MCL1: variants seen among roughly 807,000 people sequenced by gnomAD.
The protein encoded by MCL1 is MCL1 apoptosis regulator, BCL2 family member.
A neutral mutation model predicts 24.2 loss-of-function variants in MCL1; 4 were observed. That is an observed-to-expected ratio of 0.17 (90% CI 0.08 to 0.38). The LOEUF is 0.38. Ranked by LOEUF, MCL1 falls within the 10% of genes least tolerant of loss-of-function variation. The pLI is 1.00. For synonymous variants in MCL1, 248 were observed against 214.0 expected, an observed-to-expected ratio of 1.16 and a Z score of -1.39; for missense variants, 529 against 480.3, an observed-to-expected ratio of 1.10 and a Z score of -0.95.
At position 150,576,712 on chromosome 1, in the gene MCL1, TAAG is replaced by T. The variant is rs911432702; in HGVS notation, c.*660_*662del. The T allele has an allele frequency of 4.7e-5, 11 of 232,474 alleles. 1 individual carries two copies. In the Admixed American group the frequency reaches 5.1e-4, roughly 11 times the overall value. The allele number at this position is 232,474 out of a possible 1,614,324, so 14.4% of individuals were successfully genotyped here. A position where few individuals can be genotyped will look rare whatever the true frequency, so the allele number is the denominator to read the frequency against. The stretch of plus-strand genomic sequence containing the variant: ...TTACAAATACATTTACAAGCTGTCT[TAAG>T]AATTGAGGATATCCATATTCATAAC... On this transcript the variant is annotated 3_prime_UTR_variant, in exon 3 of 3. Coordinates refer to ENST00000369026, the MANE Select transcript of MCL1 (RefSeq NM_021960.5).
rs908417280 is a variant in MCL1, at chr1:150,578,467, T to C, written c.713A>G (p.Lys238Arg). 12 of 1,614,108 alleles carry C rather than the reference T, an allele frequency of 7.4e-6. No individual in the cohort carries two copies. Among genetic ancestry groups the C allele is most frequent in the Non-Finnish European group, 1.0e-5 (12 of 1,180,048 alleles). Residue 238 changes from lysine (K) to arginine (R), a missense_variant, in exon 2 of 3, where the codon AAA becomes AGA. Coordinates refer to ENST00000369026, the MANE Select transcript of MCL1 (RefSeq NM_021960.5). ...CAACGATTTCACATCGTCTTCGTTTTTGATGTCCAGTTTCCGAAGCATGCC... is the reference window on the plus strand; with the variant it reads ...CAACGATTTCACATCGTCTTCGTTTCTGATGTCCAGTTTCCGAAGCATGCC... ...FQGMLRKLDI[K>R]NEDDVKSLSR...
chr1:150,575,410 G>A lies in MCL1; in HGVS notation c.*1965C>T, dbSNP rs1281064151. The A allele has an allele frequency of 2.1e-5, 5 of 232,694 alleles. No individual in the cohort carries two copies. The highest frequency in any genetic ancestry group is 4.3e-5 in the Non-Finnish European group (5 of 117,612). The allele number at this position is 232,694 out of a possible 1,614,324, so 14.4% of individuals were successfully genotyped here. A position where few individuals can be genotyped will look rare whatever the true frequency, so the allele number is the denominator to read the frequency against. On this transcript the variant is annotated 3_prime_UTR_variant, in exon 3 of 3. Coordinates refer to ENST00000369026, the MANE Select transcript of MCL1 (RefSeq NM_021960.5). ...AGACACTTTCTTCAGTTTATCAGTA[G>A]CTTTTAAACTCTGAGGTTTAACACA...
rs759811500 is a variant in MCL1, at chr1:150,578,899, T to C, written c.632A>G (p.Glu211Gly). 1 of 1,613,856 alleles carries C rather than the reference T, an allele frequency of 6.2e-7. No homozygotes were observed. Among genetic ancestry groups the C allele is most frequent in the African/African-American group, 1.3e-5 (1 of 75,060 alleles). Residue 211 changes from glutamate (E) to glycine (G), a missense_variant, in exon 1 of 3, where the codon GAG becomes GGG. Coordinates refer to ENST00000369026, the MANE Select transcript of MCL1 (RefSeq NM_021960.5). ...RSGATSRKAL[E>G]TLRRVGDGVQ... ...GCCATCCCCAACCCGTCGTAAGGTC[T>C]CCAGCGCCTTCCTGCTGGTGGCCCC...
At chr1:150,577,627 C>T (rs1647866573) in intron 2 of MCL1, 136 bp from the exon 3 acceptor site, 3 of 940,730 alleles carry the variant, frequency 3.2e-6, no homozygotes, top group Non-Finnish European at 4.6e-6. Flanking sequence ...ATTATTCACC[C>T]CGGGGCAAAA....
Position 150,578,847 on chromosome 1 carries a change from G to A in MCL1, c.684C>T (p.Phe228=). 6.2e-7 allele frequency: 1 copy of A among 1,611,124 alleles called. No homozygotes were observed. Among genetic ancestry groups the A allele is most frequent in the Non-Finnish European group, 8.5e-7 (1 of 1,177,882 alleles). The part of the protein sequence containing the change: ...DGVQRNHETA[F]QGMLRKLDIK... Reference sequence around the variant, plus strand: ...GCGATTAATGAACCCCCTTACCTTGGAAGGCCGTCTCGTGGTTGCGCTGCA... The same window carrying A: ...GCGATTAATGAACCCCCTTACCTTGAAAGGCCGTCTCGTGGTTGCGCTGCA... Residue 228 remains phenylalanine (F), a synonymous_variant, in exon 1 of 3, where the codon TTC becomes TTT. Transcript: ENST00000369026.
chr1:150,578,782 T>G (rs1570982509), intron 1 of MCL1, 61 bp downstream of exon 1: 3 of 1,534,304 alleles, frequency 2.0e-6, no homozygotes, highest in Non-Finnish European at 2.6e-6. Flanking sequence ...CCTTGGCGGG[T>G]GAGTCCGGGG....
Position 150,578,486 on chromosome 1 carries a change from G to T in MCL1, c.694C>A (p.Leu232Ile), listed in dbSNP as rs1014045427. 171 of 1,613,982 alleles carry T rather than the reference G, an allele frequency of 1.1e-4. No individual in the cohort carries two copies. The highest frequency in any genetic ancestry group is 1.4e-4 in the Non-Finnish European group (170 of 1,180,000). Residue 232 changes from leucine to isoleucine, a missense_variant, in exon 2 of 3, where the codon CTT (leucine) becomes ATT (isoleucine). Leu to Ile is a conservative substitution (Grantham distance 5, BLOSUM62 2). Transcript: ENST00000369026. ...TCGTTTTTGATGTCCAGTTTCCGAA[G>T]CATGCCTGAGAAAGAAAAGCATGCA... ...RNHETAFQGM[L>I]RKLDIKNEDD...
Position 150,577,092 on chromosome 1 carries a change from C to A in MCL1, c.*283G>T. The A allele has an allele frequency of 3.0e-6, 1 of 330,820 alleles. No individual in the cohort carries two copies. The highest frequency in any genetic ancestry group is 5.7e-6 in the Non-Finnish European group (1 of 176,234). The allele number at this position is 330,820 out of a possible 1,614,324, so 20.5% of individuals were successfully genotyped here. A position where few individuals can be genotyped will look rare whatever the true frequency, so the allele number is the denominator to read the frequency against. On this transcript the variant is annotated 3_prime_UTR_variant, in exon 3 of 3. Transcript: ENST00000369026. ...AGGAAATTAAGTCTTTCCACCCTAC[C>A]ATCTTCACTAAATCTAAAAGTCCTC...
At position 150,575,491 on chromosome 1, in the gene MCL1, G is replaced by A. The variant is rs930510353; in HGVS notation, c.*1884C>T. On this transcript the variant is annotated 3_prime_UTR_variant, in exon 3 of 3. Transcript: ENST00000369026. ...ATACTCCTATACAAAGGAAACTTTAGAGAAAGCCTCATAAAATGTTCTTTC... is the reference window on the plus strand; with the variant it reads ...ATACTCCTATACAAAGGAAACTTTAAAGAAAGCCTCATAAAATGTTCTTTC... 24 of 232,900 alleles carry A rather than the reference G, an allele frequency of 1.0e-4. No homozygotes were observed. The East Asian group carries it at 1.4e-3, about 13-fold the overall frequency. 14.4% of individuals were successfully genotyped at this position (232,900 alleles called of 1,614,324 possible).
At position 150,576,637 on chromosome 1, in the gene MCL1, ACTTC is replaced by A. The variant is rs1176026338; in HGVS notation, c.*734_*737del. 5 of 232,332 alleles carry A rather than the reference ACTTC, an allele frequency of 2.2e-5. No individual in the cohort carries two copies. Among genetic ancestry groups the A allele is most frequent in the African/African-American group, 1.1e-4 (5 of 45,300 alleles). 14.4% of individuals were successfully genotyped at this position (232,332 alleles called of 1,614,324 possible). A position where few individuals can be genotyped will look rare whatever the true frequency, so the allele number is the denominator to read the frequency against. On this transcript the variant is annotated 3_prime_UTR_variant, in exon 3 of 3. Coordinates refer to ENST00000369026, the MANE Select transcript of MCL1 (RefSeq NM_021960.5). ...TGAAAAAAACTAATGTAAATTCGATACTTCCTTCGTTTCAAAGAAATAGACTTTC... is the reference window on the plus strand; with the variant it reads ...TGAAAAAAACTAATGTAAATTCGATACTTCGTTTCAAAGAAATAGACTTTC...
In MCL1 at chr1:150,578,555, T is replaced by A. The variant is rs751306819; in HGVS notation, c.689-64A>T. On this transcript the variant is annotated intron_variant, in intron 1 of 2. Transcript: ENST00000369026. ...TGTCTAAACCGGCGCAAGATTCGCC[T>A]GCCCACCCGCGGCGGGAAAATCGCT... is the stretch of plus-strand genomic sequence containing the variant. 3 of 1,584,488 alleles carry A rather than the reference T, an allele frequency of 1.9e-6. No individual in the cohort carries two copies. In the East Asian group the frequency reaches 6.7e-5, roughly 35 times the overall value.
In MCL1 at chr1:150,574,609, AAC is replaced by A. The variant is rs1282960907; in HGVS notation, c.*2764_*2765del. 1 of 232,230 alleles carries A rather than the reference AAC, an allele frequency of 4.3e-6. No individual in the cohort carries two copies. Among genetic ancestry groups the A allele is most frequent in the Non-Finnish European group, 8.5e-6 (1 of 117,234 alleles). The allele number at this position is 232,230 out of a possible 1,614,324, so 14.4% of individuals were successfully genotyped here. ...CTCAGGAAAAACAGAAAGTTAGGGA[AAC>A]ACACTACATTTGACAACCAACATTA... On this transcript the variant is annotated 3_prime_UTR_variant, in exon 3 of 3. Coordinates refer to ENST00000369026, the MANE Select transcript of MCL1 (RefSeq NM_021960.5).
At position 150,578,991 on chromosome 1, in the gene MCL1, C is replaced by A. The variant is rs1383859763; in HGVS notation, c.540G>T (p.Glu180Asp). The change falls in exon 1 of 3, where the codon GAG becomes GAT. Residue 180 changes from glutamate (E) to aspartate (D), a missense_variant. Coordinates refer to ENST00000369026, the MANE Select transcript of MCL1 (RefSeq NM_021960.5). ...EEDELYRQSL[E>D]IISRYLREQA... ...GCTCCCGAAGGTACCGAGAGATAATCTCCAGCGACTGCCGGTACAACTCGT... is the reference window on the plus strand; with the variant it reads ...GCTCCCGAAGGTACCGAGAGATAATATCCAGCGACTGCCGGTACAACTCGT... 4 of 1,613,680 alleles carry A rather than the reference C, an allele frequency of 2.5e-6. No homozygotes were observed. The highest frequency in any genetic ancestry group is 3.4e-6 in the Non-Finnish European group (4 of 1,180,040).
Position 150,577,373 on chromosome 1 carries a change from G to A in MCL1, c.*2C>T, listed in dbSNP as rs148874038. ...AAGTCAACTATTGCACTTACAGTAA[G>A]GCTATCTTATTAGATATGCCAAACC... is the stretch of plus-strand genomic sequence containing the variant. On this transcript the variant is annotated 3_prime_UTR_variant, in exon 3 of 3. Coordinates refer to ENST00000369026, the MANE Select transcript of MCL1 (RefSeq NM_021960.5). 5,578 of 1,613,028 alleles carry A rather than the reference G, an allele frequency of 3.5e-3. 17 individuals are homozygous for A. Among genetic ancestry groups the A allele is most frequent in the Non-Finnish European group, 3.8e-3 (4,495 of 1,179,662 alleles).
At position 150,575,960 on chromosome 1, in the gene MCL1, A is replaced by G. The variant is rs780819753; in HGVS notation, c.*1415T>C. The G allele has an allele frequency of 4.3e-6, 1 of 233,746 alleles. No homozygotes were observed. The highest frequency in any genetic ancestry group is 8.5e-6 in the Non-Finnish European group (1 of 118,058). 14.5% of individuals were successfully genotyped at this position (233,746 alleles called of 1,614,324 possible). On this transcript the variant is annotated 3_prime_UTR_variant, in exon 3 of 3. Transcript: ENST00000369026. Reference sequence around the variant, plus strand: ...CTTGCAACAAGGTTTGGGAATCATTAATAGAAACAAAACAGTAAGTATTTG... The same window carrying G: ...CTTGCAACAAGGTTTGGGAATCATTGATAGAAACAAAACAGTAAGTATTTG...
rs34164836 is a variant in MCL1, at chr1:150,575,778, A to G, written c.*1597T>C. On this transcript the variant is annotated 3_prime_UTR_variant, in exon 3 of 3. Coordinates refer to ENST00000369026, the MANE Select transcript of MCL1 (RefSeq NM_021960.5). ...AGTGCCAAAATCTAAAAGGGCTAGA[A>G]AGAGTTCAGGGATGGCAGGGGAAAG... is the stretch of plus-strand genomic sequence containing the variant. 599 of 233,228 alleles carry G rather than the reference A, an allele frequency of 2.6e-3. 21 individuals carry two copies. The East Asian group carries it at 0.036, about 14-fold the overall frequency. 14.4% of individuals were successfully genotyped at this position (233,228 alleles called of 1,614,324 possible).
rs587595390 is a variant in MCL1 at position 150,579,336 on chromosome 1, G to C, written c.195C>G (p.Pro65=). 6.4e-5 allele frequency: 94 copies of C among 1,472,148 alleles called. No individual in the cohort carries two copies. In the South Asian group the frequency reaches 1.2e-3, roughly 19 times the overall value. 91.2% of individuals were successfully genotyped at this position (1,472,148 alleles called of 1,614,324 possible). The change falls in exon 1 of 3, where the codon CCC becomes CCG. Residue 65 remains proline (P), a synonymous_variant. Transcript: ENST00000369026. ...AVIGGSAGAS[P]PSTLTPDSRR... is the part of the protein sequence containing the mutation. ...GGGAGTCTGGCGTGAGGGTGGACGG[G>C]GGGCTTGCGCCGGCGCTTCCGCCAA...
In MCL1 at chr1:150,575,868, G is replaced by A. The variant is rs1647776618; in HGVS notation, c.*1507C>T. 4.3e-6 allele frequency: 1 copy of A among 233,450 alleles called. No homozygotes were observed. Among genetic ancestry groups the A allele is most frequent in the East Asian group, 6.0e-5 (1 of 16,566 alleles). 14.5% of individuals were successfully genotyped at this position (233,450 alleles called of 1,614,324 possible). On this transcript the variant is annotated 3_prime_UTR_variant, in exon 3 of 3. Coordinates refer to ENST00000369026, the MANE Select transcript of MCL1 (RefSeq NM_021960.5). ...CAATCAGCAATTTCAAGGAAGGACA[G>A]GAAATAAAAGGTTAAGTCTGATAGA...
At position 150,579,440 on chromosome 1, in the gene MCL1, G is replaced by T; in HGVS notation, c.91C>A (p.Pro31Thr). The change falls in exon 1 of 3, where the codon CCG (proline) becomes ACG (threonine). Residue 31 changes from proline (P) to threonine (T), a missense_variant. Pro to Thr is a conservative substitution (Grantham distance 38). Transcript: ENST00000369026. ...TCCGTAGCCAAAAGTCGCCCTCCCG[G>T]GCGGGTGGCGCCGCCGCTGCCGGCC... is the stretch of plus-strand genomic sequence containing the variant. ...LGAGSGGATR[P>T]GGRLLATEKE... is the part of the protein sequence containing the mutation. The T allele has an allele frequency of 6.3e-7, 1 of 1,589,830 alleles. No homozygotes were observed. Among genetic ancestry groups the T allele is most frequent in the Non-Finnish European group, 8.5e-7 (1 of 1,170,308 alleles).
Sources: gnomAD v4.1 joint callset for allele counts on GRCh38, gnomAD v4.1.1 for gene constraint, MANE v1.5 for transcripts, NCBI Gene and HGNC (gene_info 2026-07-23, HGNC 2026-07-21) for gene names.